The following EBF1 variants were observed in gnomAD, a reference collection of about 807,000 sequenced individuals.
EBF1 encodes the protein EBF transcription factor 1.
A neutral mutation model predicts 68.4 loss-of-function variants in EBF1; 10 were observed. The ratio of observed to expected loss-of-function variants is 0.15; its 90% confidence interval spans 0.09 to 0.25. The LOEUF (loss-of-function observed/expected upper bound fraction) is 0.25, where lower values mean the gene tolerates loss of function less well. EBF1 is among the 10% of genes least tolerant of loss of function. The pLI is 1.00. For missense variants in EBF1, 509 were observed against 794.4 expected (o/e 0.64, Z 4.32); for synonymous variants, 298 against 299.8 (o/e 0.99, Z 0.06).
At chr5:158,705,047 G>A (rs189970785) in intron 15 of EBF1, among the ~76,000 whole-genome samples, 42 of 152,224 alleles carry the variant, frequency 2.8e-4, no homozygotes, top group African/African-American at 4.3e-4. Flanking sequence ...GCAGTGGCAC[G>A]ATCTCAGCTC....
chr5:158,790,037 G>T (rs1164360413), intron 9 of EBF1, among the ~76,000 whole-genome samples: 1 of 152,134 alleles, frequency 6.6e-6, no homozygotes, highest in Admixed American at 6.5e-5. Flanking sequence ...TCACTCACAG[G>T]TCTCCCCCAG....
At chr5:159,028,410 G>A (rs1768119089) in intron 6 of EBF1, among the ~76,000 whole-genome samples, 1 of 152,170 alleles carries the variant, frequency 6.6e-6, no homozygotes, top group Non-Finnish European at 1.5e-5. Flanking sequence ...CCGTACTAGA[G>A]GAGGAGATTG....
At chr5:158,707,720 T>C in intron 15 of EBF1, 2 of 471,804 alleles carry the variant, frequency 4.2e-6, no homozygotes, top group Non-Finnish European at 7.6e-6. Context: ...CCCAAGCAAA[T>C]CCCGGGCCTG....
chr5:158,941,325 T>G (rs1813327959), intron 6 of EBF1: 2 of 450,278 alleles, frequency 4.4e-6, no homozygotes, highest in South Asian at 3.1e-5. Context: ...CATAAATTCT[T>G]GTAGCAAGAA....
chr5:158,951,388 T>A (rs559103861), intron 6 of EBF1, among the ~76,000 whole-genome samples: 1 of 152,342 alleles, frequency 6.6e-6, no homozygotes, highest in East Asian at 1.9e-4. Flanking sequence ...CCTCCTTCTC[T>A]ACTCCATTCT....
chr5:158,721,548 G>T (rs1235127003), intron 11 of EBF1, among the ~76,000 whole-genome samples: 1 of 152,194 alleles, frequency 6.6e-6, no homozygotes, highest in East Asian at 1.9e-4. Context: ...TGAAATAAAT[G>T]ATTTGGCTCA....
rs914554832 is a variant in EBF1, at chr5:159,068,986, A to G, written c.554+4410T>C. 1.1e-4 allele frequency among the ~76,000 whole-genome samples: 17 copies of G among 152,080 alleles called. No homozygotes were observed. The South Asian group carries it at 1.7e-3, about 15-fold the overall frequency. ...ATACAGGAATTCTTAAAAATGGGGGAAAAAGGCATGGTAATTCTGTTAATA... is the reference window on the plus strand; with the variant it reads ...ATACAGGAATTCTTAAAAATGGGGGGAAAAGGCATGGTAATTCTGTTAATA... On this transcript the variant is annotated intron_variant, in intron 6 of 15. Transcript: ENST00000313708.
rs1040182736 is a variant in EBF1, at chr5:158,762,959, C to T, written c.1036+14454G>A. ...ATTGTTAGCCAGTCAACGTTCCTGT[C>T]GGGCATCAAACAAACAGTAACTTCA... is the stretch of plus-strand genomic sequence containing the variant. On this transcript the variant is annotated intron_variant, in intron 10 of 15. Transcript: ENST00000313708. Among the ~76,000 whole-genome samples the T allele has an allele frequency of 4.6e-5, 7 of 152,156 alleles. No homozygotes were observed. In the East Asian group the frequency reaches 5.8e-4, roughly 13 times the overall value.
chr5:158,823,373 A>G, intron 7 of EBF1, 56 bp from the exon 8 acceptor site: 13 of 1,528,176 alleles, frequency 8.5e-6, no homozygotes, highest in Non-Finnish European at 1.1e-5. Flanking sequence ...GTGGTGGGTA[A>G]TAAACTCAAG....
Position 158,696,919 on chromosome 5 carries a change from C to CTT in EBF1, c.*2190_*2191dup, listed in dbSNP as rs1755863005. Reference sequence around the variant, plus strand: ...TTTGTTTTTTTTTTTTTCTTTTTTTCTTTTTCTTTTTTCTTAGAATGTTAG... The same window carrying CTT: ...TTTGTTTTTTTTTTTTTCTTTTTTTCTTTTTTTCTTTTTTCTTAGAATGTTAG... On this transcript the variant is annotated 3_prime_UTR_variant, in exon 16 of 16. Transcript: ENST00000313708. 6.3e-6 allele frequency: 1 copy of CTT among 157,846 alleles called. No homozygotes were observed. Among genetic ancestry groups the CTT allele is most frequent in the Non-Finnish European group, 1.3e-5 (1 of 77,778 alleles). 9.8% of individuals were successfully genotyped at this position (157,846 alleles called of 1,614,324 possible).
chr5:159,078,936 T>G (rs1779274077), intron 5 of EBF1, among the ~76,000 whole-genome samples: 1 of 152,318 alleles, frequency 6.6e-6, no homozygotes, highest in South Asian at 2.1e-4. Context: ...CGGCAGATCC[T>G]CATCTTAGGG....
At chr5:159,035,293 T>A (rs976325597) in intron 6 of EBF1, among the ~76,000 whole-genome samples, 4 of 151,968 alleles carry the variant, frequency 2.6e-5, no homozygotes, top group African/African-American at 9.7e-5. Context: ...TTCTGCTAAA[T>A]GGAACATTGG....
At chr5:158,943,331 T>TACACAC (rs59821779) in intron 6 of EBF1, among the ~76,000 whole-genome samples, 37 of 149,426 alleles carry the variant, frequency 2.5e-4, no homozygotes, top group Middle Eastern at 3.5e-3. Flanking sequence ...GTTTATTGGA[T>TACACAC]ACACACACAC....
At chr5:158,828,112 G>T (rs1322904819) in intron 7 of EBF1, among the ~76,000 whole-genome samples, 1 of 152,092 alleles carries the variant, frequency 6.6e-6, no homozygotes, top group African/African-American at 2.4e-5. Flanking sequence ...TAATCACAAA[G>T]CTTTAAAAAT....
At chr5:158,788,232 A>C (rs926562889) in intron 9 of EBF1, among the ~76,000 whole-genome samples, 4 of 152,202 alleles carry the variant, frequency 2.6e-5, no homozygotes, top group African/African-American at 9.6e-5. Context: ...ATAAGGCAAC[A>C]TAAGAATTTA....
chr5:158,775,783 GACA>G (rs1775053696), intron 10 of EBF1, among the ~76,000 whole-genome samples: 1,729 of 129,474 alleles, frequency 0.013, 48 homozygotes, highest in African/African-American at 0.048. Flanking sequence ...CATGCACACA[GACA>G]CACACACACA....
At chr5:159,091,955 T>C (rs1781729526) in intron 4 of EBF1, among the ~76,000 whole-genome samples, 1 of 152,140 alleles carries the variant, frequency 6.6e-6, no homozygotes, top group South Asian at 2.1e-4. Context: ...CTTAATACAA[T>C]TTGGTATCTT....
intron 6 of EBF1, among the ~76,000 whole-genome samples, chr5:159,029,135 A>G (rs919034588): frequency 6.6e-6 from 1 of 152,234 alleles, no homozygotes; most frequent in Non-Finnish European, 1.5e-5. Flanking sequence ...AAAAAGACAT[A>G]TAAATAAAAT....
At chr5:158,881,018 G>GAA (rs948193077) in intron 6 of EBF1, among the ~76,000 whole-genome samples, 12 of 150,234 alleles carry the variant, frequency 8.0e-5, no homozygotes, top group African/African-American at 2.9e-4. Context: ...AAGAAGAGGG[G>GAA]AAAAAAAAAC....
Sources: allele counts gnomAD v4.1 joint callset (sites outside exome capture counted in the v4.1 genomes callset), GRCh38; gene constraint gnomAD v4.1.1; transcripts MANE v1.5; gene names NCBI Gene and HGNC (gene_info 2026-07-23, HGNC 2026-07-21).